SNORC: variants seen among roughly 807,000 people sequenced by gnomAD.
SNORC encodes the protein secondary ossification center associated regulator of chondrocyte maturation.
In SNORC, 11 loss-of-function variants were observed where a neutral mutation model predicts 9.7. The ratio of observed to expected loss-of-function variants is 1.14; its 90% CI spans 0.72 to 1.88. SNORC has a LOEUF of 1.88. Ranked by LOEUF, SNORC falls within the 40% of genes most tolerant of loss-of-function variation. The pLI, the probability that SNORC is intolerant of heterozygous loss-of-function variation, is 0.00. For synonymous variants in SNORC, 108 were observed against 88.7 expected (o/e 1.22, Z -1.22); for missense variants, 197 against 173.1 (o/e 1.14, Z -0.77).
At chr2:232,876,457 A>G, downstream of SNORC, 1 of 1,380,770 alleles carries the variant, frequency 7.2e-7, no homozygotes, top group Non-Finnish European at 9.3e-7. This position sits in a 1 kb window ranked among gnomAD's most constrained non-coding sequence, Gnocchi z 6.8. Context: ...GGTGTGCCAG[A>G]GCGTGAGCGC....
intron 1 of SNORC, 122 bp from the exon 2 acceptor site, chr2:232,875,818 G>T: frequency 9.7e-7 from 1 of 1,032,542 alleles, no homozygotes; most frequent in Non-Finnish European, 1.4e-6. Context: ...GAGGGCTAGT[G>T]CAGCGCTGAG....
chr2:232,876,531 C>A, downstream of SNORC: 1 of 1,209,816 alleles, frequency 8.3e-7, no homozygotes, highest in East Asian at 3.6e-5. The surrounding 1 kb of genome is among the most constrained non-coding windows in gnomAD (Gnocchi z 6.8). Flanking sequence ...TGCACGCGCG[C>A]GGGTCCGGAG....
At chr2:232,876,425 C>A, downstream of SNORC, 1 of 1,451,592 alleles carries the variant, frequency 6.9e-7, no homozygotes, top group South Asian at 1.3e-5. This position sits in a 1 kb window ranked among gnomAD's most constrained non-coding sequence, Gnocchi z 6.8. Context: ...TGTATGTCCG[C>A]GCGTGCGTGT....
At chr2:232,872,718 C>A (rs184509701) in intron 1 of SNORC, among the ~76,000 whole-genome samples, 258 of 152,324 alleles carry the variant, frequency 1.7e-3, no homozygotes, top group South Asian at 0.01. Context: ...TGCCCCATCT[C>A]CCCCCTCCCC....
In SNORC at chr2:232,875,436, G is replaced by C. The variant is rs181588071; in HGVS notation, c.74-504G>C. ...GGCTGGGCTGGAGAGGCCAAGAGCC[G>C]ACCTACCATCCCCATGTTGAGCTTT... is the stretch of plus-strand genomic sequence containing the variant. On this transcript the variant is annotated intron_variant, in intron 1 of 2. Coordinates refer to ENST00000331342, the Ensembl canonical transcript of SNORC. 62 of 373,416 alleles carry C rather than the reference G, an allele frequency of 1.7e-4. 1 individual carries two copies. The highest frequency in any genetic ancestry group is 1.2e-3 in the African/African-American group (58 of 46,598). The allele number at this position is 373,416 out of a possible 1,614,324, so 23.1% of individuals were successfully genotyped here.
chr2:232,876,764 A>G, downstream of SNORC: 1 of 985,254 alleles, frequency 1.0e-6, no homozygotes, highest in Non-Finnish European at 1.2e-6. The surrounding 1 kb of genome is among the most constrained non-coding windows in gnomAD (Gnocchi z 6.8). Flanking sequence ...CAGCGGTCTT[A>G]GCCCGTCCGG....
rs778923366 is a variant in SNORC at position 232,876,378 on chromosome 2, C to G, written c.*22C>G. On this transcript the variant is annotated 3_prime_UTR_variant, in exon 3 of 3. Transcript: ENST00000331342. This position sits in a 1 kb window ranked among gnomAD's most constrained non-coding sequence, Gnocchi z 6.8. ...CTGAAGCGAATAAAGGGGCCGCGCC[C>G]GGCCGCGGCGCGACTCGGCTGCACT... 2.7e-6 allele frequency: 4 copies of G among 1,507,146 alleles called. No individual in the cohort carries two copies. The highest frequency in any genetic ancestry group is 2.3e-4 in the Middle Eastern group (1 of 4,314). The allele number at this position is 1,507,146 out of a possible 1,614,324, so 93.4% of individuals were successfully genotyped here.
intron 1 of SNORC, among the ~76,000 whole-genome samples, chr2:232,872,584 C>T (rs984586414): frequency 4.6e-5 from 7 of 152,314 alleles, no homozygotes; most frequent in African/African-American, 1.4e-4. Flanking sequence ...GCCTCATTAC[C>T]GCCATGGAAC....
intron 1 of SNORC, among the ~76,000 whole-genome samples, chr2:232,873,066 C>T (rs1425960928): frequency 1.4e-4 from 21 of 152,226 alleles, no homozygotes; most frequent in South Asian, 2.1e-4. Flanking sequence ...TGGCAGCCAG[C>T]GGCTGCAGAC....
Position 232,876,209 on chromosome 2 carries a change from G to A in SNORC, c.257-38G>A. 2 of 1,482,016 alleles carry A rather than the reference G, an allele frequency of 1.3e-6. No homozygotes were observed. The highest frequency in any genetic ancestry group is 1.8e-6 in the Non-Finnish European group (2 of 1,122,976). 91.8% of individuals were successfully genotyped at this position (1,482,016 alleles called of 1,614,324 possible). A position where few individuals can be genotyped will look rare whatever the true frequency, so the allele number is the denominator to read the frequency against. On this transcript the variant is annotated intron_variant, in intron 2 of 2. Coordinates refer to ENST00000331342, the Ensembl canonical transcript of SNORC. The surrounding 1 kb of genome is among the most constrained non-coding windows in gnomAD (Gnocchi z 6.8). ...GCGCGGGGAGAAGGGCCGGCCAGGC[G>A]GGGGCTAGCAGGTGACATGGTCCTC...
exon 2 of SNORC, chr2:232,875,980 G>T: frequency 6.4e-7 from 1 of 1,554,616 alleles, no homozygotes; most frequent in South Asian, 1.2e-5. Flanking sequence ...TGTGGAACGA[G>T]CCGGCCGAGC....
At position 232,875,896 on chromosome 2, in the gene SNORC, G is replaced by T. The variant is rs908397288; in HGVS notation, c.74-44G>T. 4 of 1,510,178 alleles carry T rather than the reference G, an allele frequency of 2.6e-6. No homozygotes were observed. The African/African-American group carries it at 5.6e-5, about 21-fold the overall frequency. 93.5% of individuals were successfully genotyped at this position (1,510,178 alleles called of 1,614,324 possible). ...AGAGGTGGGGGGTGACGTCCCTGTC[G>T]GCCCCGTCACCTGGGGCCCCAGCAC... On this transcript the variant is annotated intron_variant, in intron 1 of 2. Coordinates refer to ENST00000331342, the Ensembl canonical transcript of SNORC.
At chr2:232,871,011 A>G (rs964580063) in intron 1 of SNORC, among the ~76,000 whole-genome samples, 1 of 152,156 alleles carries the variant, frequency 6.6e-6, no homozygotes, top group African/African-American at 2.4e-5. Context: ...CAGGCTCCCA[A>G]GGGCCCTGTG....
intron 1 of SNORC, among the ~76,000 whole-genome samples, chr2:232,874,561 G>A (rs1691146124): frequency 6.6e-6 from 1 of 152,210 alleles, no homozygotes; most frequent in African/African-American, 2.4e-5. Flanking sequence ...CTGAGTCTGG[G>A]TTGGCTGATG....
rs1181370217 is a variant in SNORC at position 232,876,236 on chromosome 2, G to A, written c.257-11G>A. 6.7e-7 allele frequency: 1 copy of A among 1,501,076 alleles called. No individual in the cohort carries two copies. Among genetic ancestry groups the A allele is most frequent in the Non-Finnish European group, 8.8e-7 (1 of 1,131,620 alleles). 93.0% of individuals were successfully genotyped at this position (1,501,076 alleles called of 1,614,324 possible). On this transcript the variant is annotated splice_polypyrimidine_tract_variant and intron_variant, in intron 2 of 2. Coordinates refer to ENST00000331342, the Ensembl canonical transcript of SNORC. This position sits in a 1 kb window ranked among gnomAD's most constrained non-coding sequence, Gnocchi z 6.8. ...GGGCTAGCAGGTGACATGGTCCTCCGTCCTCCGCAGGGTCGCTGGGGCCCG... is the reference window on the plus strand; with the variant it reads ...GGGCTAGCAGGTGACATGGTCCTCCATCCTCCGCAGGGTCGCTGGGGCCCG...
chr2:232,875,901 C>T (rs11548558), intron 1 of SNORC, 39 bp from the exon 2 acceptor site: 81 of 1,516,934 alleles, frequency 5.3e-5, no homozygotes, highest in Non-Finnish European at 6.8e-5. Flanking sequence ...CTGTCGGCCC[C>T]GTCACCTGGG....
upstream of SNORC, among the ~76,000 whole-genome samples, chr2:232,867,668 C>T (rs2106184594): frequency 6.6e-6 from 1 of 152,334 alleles, no homozygotes; most frequent in South Asian, 2.1e-4. Flanking sequence ...CTCGTCCTGC[C>T]TCCCCAGGGT....
chr2:232,877,136 GGATGAGTC>G, downstream of SNORC: 5 of 985,842 alleles, frequency 5.1e-6, no homozygotes, highest in Non-Finnish European at 6.0e-6. Flanking sequence ...CTCAGGAGCA[GGATGAGTC>G]GAGAGTCGAC....
chr2:232,871,642 A>T (rs1222636717), intron 1 of SNORC, among the ~76,000 whole-genome samples: 1 of 152,174 alleles, frequency 6.6e-6, no homozygotes, highest in African/African-American at 2.4e-5. Context: ...TTGTGGTGGA[A>T]GAGGCGCCAG....
Sources: allele counts gnomAD v4.1 joint callset (sites outside exome capture counted in the v4.1 genomes callset), GRCh38; gene constraint gnomAD v4.1.1; non-coding constraint Gnocchi (gnomAD v3.1); transcripts MANE v1.5; gene names NCBI Gene and HGNC (gene_info 2026-07-23, HGNC 2026-07-21).